The following WDR17 variants were observed in gnomAD, a reference collection of about 807,000 sequenced individuals.
The protein encoded by WDR17 is WD repeat-containing protein 17.
In WDR17, 143 loss-of-function variants were observed where a neutral mutation model predicts 161.7. The ratio of observed to expected loss-of-function variants is 0.88; its 90% confidence interval spans 0.77 to 1.02. The LOEUF (loss-of-function observed/expected upper bound fraction) is 1.02. Among genes scored for constraint, WDR17 ranks in the 50% least tolerant of loss-of-function variants. The pLI, the probability that WDR17 is intolerant of heterozygous loss-of-function variation, is 0.00. For synonymous variants in WDR17, 517 were observed against 515.6 expected (o/e 1.00, Z -0.04); for missense variants, 1,469 against 1,520.9 (o/e 0.97, Z 0.57).
chr4:176,097,492 T>C (rs953475600), intron 1 of WDR17, among the ~76,000 whole-genome samples: 2 of 151,988 alleles, frequency 1.3e-5, no homozygotes, highest in Non-Finnish European at 2.9e-5. Context: ...TTTTGGACTT[T>C]TTTTTCAGAT....
chr4:176,152,032 C>A, intron 17 of WDR17, 65 bp downstream of exon 17: 2 of 1,481,528 alleles, frequency 1.3e-6, no homozygotes, highest in South Asian at 1.3e-5. Flanking sequence ...AGAATATACT[C>A]AATTTTAAGT....
chr4:176,085,007 A>G (rs1417985495), intron 1 of WDR17, among the ~76,000 whole-genome samples: 1 of 151,744 alleles, frequency 6.6e-6, no homozygotes, highest in Non-Finnish European at 1.5e-5. Flanking sequence ...TAATAGCTTT[A>G]TAATGGATAG....
intron 2 of WDR17, among the ~76,000 whole-genome samples, chr4:176,114,177 G>A (rs966481521): frequency 3.3e-5 from 5 of 151,778 alleles, no homozygotes; most frequent in African/African-American, 1.2e-4. Context: ...ATCTACCATA[G>A]GTGACTTAAA....
chr4:176,152,294 C>CAAAAAAAAAAAAAAAAAAAAAAAAAAA (rs397837505), intron 17 of WDR17, among the ~76,000 whole-genome samples: 14 of 72,140 alleles, frequency 1.9e-4, no homozygotes, highest in Non-Finnish European at 2.5e-4. Context: ...GACCCTATCT[C>CAAAAAAAAAAAAAAAAAAAAAAAAAAA]AAAAAAAAAA....
chr4:176,145,377 G>A (rs932965199), intron 11 of WDR17, among the ~76,000 whole-genome samples: 87 of 152,126 alleles, frequency 5.7e-4, no homozygotes, highest in Non-Finnish European at 1.9e-4. Flanking sequence ...TCTATTTCCA[G>A]GGGCTTCATA....
intron 2 of WDR17, 53 bp from the exon 3 acceptor site, chr4:176,115,743 G>T: frequency 2.2e-6 from 3 of 1,367,960 alleles, no homozygotes; most frequent in Non-Finnish European, 2.0e-6. Context: ...TATTAACAGT[G>T]TATTATCTTA....
chr4:176,096,589 A>G (rs760184571), intron 1 of WDR17: 6 of 1,577,840 alleles, frequency 3.8e-6, no homozygotes, highest in Non-Finnish European at 4.3e-6. Flanking sequence ...ACAAAGAGTA[A>G]GATACATTTA....
intron 10 of WDR17, among the ~76,000 whole-genome samples, chr4:176,141,500 G>C (rs1178129458): frequency 6.6e-6 from 1 of 152,158 alleles, no homozygotes; most frequent in African/African-American, 2.4e-5. Flanking sequence ...TGCAATCCCA[G>C]CTCACTGCAA....
At chr4:176,083,821 G>A (rs150731933) in intron 1 of WDR17, among the ~76,000 whole-genome samples, 7 of 152,214 alleles carry the variant, frequency 4.6e-5, no homozygotes, top group African/African-American at 1.7e-4. Flanking sequence ...CAGTTACTCT[G>A]CACTGTCGCC....
intron 20 of WDR17, 28 bp downstream of exon 20, chr4:176,161,030 T>TA (rs1160343856): frequency 6.4e-7 from 1 of 1,569,330 alleles, no homozygotes; most frequent in African/African-American, 1.4e-5. Context: ...TCTGGGTCCA[T>TA]ATGTTTTATG....
intron 1 of WDR17, among the ~76,000 whole-genome samples, chr4:176,077,676 A>C (rs1734228365): frequency 6.6e-6 from 1 of 152,106 alleles, no homozygotes; most frequent in Admixed American, 6.6e-5. Flanking sequence ...TGTAACTTAA[A>C]AAAAAATCTA....
chr4:176,150,630 A>T, intron 16 of WDR17, 37 bp downstream of exon 16: 1 of 1,541,738 alleles, frequency 6.5e-7, no homozygotes, highest in Non-Finnish European at 8.7e-7. Flanking sequence ...ACTCAAGCAA[A>T]TTTTTTGCCT....
chr4:176,094,757 GGTA>G (rs1345345192), intron 1 of WDR17, among the ~76,000 whole-genome samples: 3 of 152,166 alleles, frequency 2.0e-5, no homozygotes, highest in South Asian at 4.2e-4. Flanking sequence ...AATTAAATGT[GGTA>G]GTAGGAGGAG....
chr4:176,101,636 C>T (rs73018036), intron 1 of WDR17, among the ~76,000 whole-genome samples: 4,575 of 152,102 alleles, frequency 0.03, 189 homozygotes, highest in African/African-American at 0.096. Context: ...TACTATATAG[C>T]TCCAATAAAA....
At chr4:176,093,681 C>G (rs1007336950) in intron 1 of WDR17, among the ~76,000 whole-genome samples, 1 of 151,876 alleles carries the variant, frequency 6.6e-6, no homozygotes, top group Non-Finnish European at 1.5e-5. Context: ...TTCTTCTTAC[C>G]TCAGTTACTG....
chr4:176,120,478 T>C (rs1314462373), intron 4 of WDR17, among the ~76,000 whole-genome samples: 1 of 151,972 alleles, frequency 6.6e-6, no homozygotes, highest in African/African-American at 2.4e-5. Flanking sequence ...GATGGTTTAC[T>C]AATACTAAAT....
At chr4:176,083,807 G>C (rs1735064094) in intron 1 of WDR17, among the ~76,000 whole-genome samples, 1 of 152,058 alleles carries the variant, frequency 6.6e-6, no homozygotes, top group African/African-American at 2.4e-5. Context: ...CAGTATATGA[G>C]TTTCAGTTAC....
At chr4:176,173,563 C>CTGGA (rs1163252580) in intron 25 of WDR17, among the ~76,000 whole-genome samples, 194 bp downstream of exon 25, 2 of 152,126 alleles carry the variant, frequency 1.3e-5, no homozygotes, top group African/African-American at 2.4e-5. Context: ...GTCGCCCAGG[C>CTGGA]TGGAGTGCAG....
intron 1 of WDR17, among the ~76,000 whole-genome samples, chr4:176,084,034 T>C (rs1175840942): frequency 6.6e-6 from 1 of 151,842 alleles, no homozygotes; most frequent in Non-Finnish European, 1.5e-5. Context: ...TTTTTGTTTT[T>C]GTTTTTTTTT....
Sources: gnomAD v4.1 joint callset for allele counts (sites outside exome capture counted in the v4.1 genomes callset) on GRCh38, gnomAD v4.1.1 for gene constraint, MANE v1.5 for transcripts, NCBI Gene and HGNC (gene_info 2026-07-23, HGNC 2026-07-21) for gene names.